Variants in RANBP2 observed in about 807,000 individuals in gnomAD.
RANBP2 encodes RAN binding protein 2.
A neutral mutation model predicts 303.6 loss-of-function variants in RANBP2; 57 were observed. The ratio of observed to expected loss-of-function variants is 0.19; its 90% CI spans 0.15 to 0.23. The LOEUF is 0.23. Among genes scored for constraint, RANBP2 ranks in the 10% least tolerant of loss-of-function variants. The pLI, the probability that RANBP2 is intolerant of heterozygous loss-of-function variation, is 1.00. For synonymous variants in RANBP2, 1,167 were observed against 1,301.5 expected (o/e 0.90, Z 2.23); for missense variants, 3,138 against 3,780.8 (o/e 0.83, Z 4.46).
chr2:109,029,504 G>A, the RANBP2 span, among the ~76,000 whole-genome samples: 1 of 152,252 alleles, frequency 6.6e-6, no homozygotes, highest in Non-Finnish European at 1.5e-5. Flanking sequence ...GCAGCTCAGT[G>A]TGTGTCTGTC....
the RANBP2 span, among the ~76,000 whole-genome samples, chr2:109,415,398 G>C: frequency 7.4e-4 from 112 of 152,298 alleles, no homozygotes; most frequent in Admixed American, 2.2e-3. Flanking sequence ...ATTGTTCCAG[G>C]GGGAGTGCTC....
chr2:109,018,577 C>T, the RANBP2 span, among the ~76,000 whole-genome samples: 40 of 152,344 alleles, frequency 2.6e-4, no homozygotes, highest in South Asian at 6.0e-3. Context: ...CTGCTCTCCA[C>T]TCCCCTTCAC....
the RANBP2 span, among the ~76,000 whole-genome samples, chr2:109,734,660 T>G: frequency 6.6e-6 from 1 of 152,080 alleles, no homozygotes; most frequent in East Asian, 1.9e-4. Context: ...TTACATAAAA[T>G]TGAAAGTGAC....
the RANBP2 span, among the ~76,000 whole-genome samples, chr2:109,590,649 G>A: frequency 3.9e-5 from 6 of 152,182 alleles, no homozygotes; most frequent in Middle Eastern, 3.4e-3. Context: ...GGCTGGTCTC[G>A]AACTCTTGAC....
the RANBP2 span, among the ~76,000 whole-genome samples, chr2:109,376,482 A>T: frequency 6.6e-6 from 1 of 152,288 alleles, no homozygotes; most frequent in Admixed American, 6.5e-5. Context: ...TACGCCAGTG[A>T]TTCTCGTCTG....
chr2:108,898,374 G>C, the RANBP2 span, among the ~76,000 whole-genome samples: 14 of 152,296 alleles, frequency 9.2e-5, no homozygotes, highest in East Asian at 2.7e-3. Context: ...CCCCTTGAGT[G>C]TTAGTGAAGG....
At chr2:109,668,851 T>G in the RANBP2 span, among the ~76,000 whole-genome samples, 1 of 152,150 alleles carries the variant, frequency 6.6e-6, no homozygotes, top group South Asian at 2.1e-4. Flanking sequence ...CCTAGCCCAC[T>G]GCTAGGACTA....
chr2:108,823,195 G>C, the RANBP2 span, among the ~76,000 whole-genome samples: 1 of 152,110 alleles, frequency 6.6e-6, no homozygotes, highest in African/African-American at 2.4e-5. Context: ...CTTCACTTTA[G>C]AATTCTACCA....
the RANBP2 span, among the ~76,000 whole-genome samples, chr2:108,908,339 C>T: frequency 6.6e-6 from 1 of 152,202 alleles, no homozygotes; most frequent in Non-Finnish European, 1.5e-5. Context: ...ACAATGGATG[C>T]TCCGTGAAGG....
chr2:109,418,719 C>T, the RANBP2 span, among the ~76,000 whole-genome samples: 4 of 152,172 alleles, frequency 2.6e-5, no homozygotes, highest in African/African-American at 9.7e-5. Context: ...GGGACTTGGA[C>T]AGATCTTTGA....
At chr2:109,091,556 G>A in the RANBP2 span, among the ~76,000 whole-genome samples, 4 of 152,046 alleles carry the variant, frequency 2.6e-5, no homozygotes, top group African/African-American at 7.3e-5. Flanking sequence ...TGATAAAATC[G>A]GCTCTGTCTA....
At chr2:108,819,885 A>G in the RANBP2 span, among the ~76,000 whole-genome samples, 1 of 152,214 alleles carries the variant, frequency 6.6e-6, no homozygotes, top group Admixed American at 6.5e-5. Flanking sequence ...GTGATATATG[A>G]TTTAAAAACT....
chr2:109,711,301 A>G, the RANBP2 span, among the ~76,000 whole-genome samples: 1 of 151,700 alleles, frequency 6.6e-6, no homozygotes, highest in South Asian at 2.1e-4. Flanking sequence ...ACCATTTCCA[A>G]ACCCCTCACG....
At chr2:109,211,843 A>G in the RANBP2 span, among the ~76,000 whole-genome samples, 6 of 152,184 alleles carry the variant, frequency 3.9e-5, no homozygotes, top group South Asian at 1.2e-3. Context: ...GGGTTTCCCC[A>G]TGTTGGCCAG....
chr2:109,215,266 A>G, the RANBP2 span, among the ~76,000 whole-genome samples: 1 of 152,162 alleles, frequency 6.6e-6, no homozygotes, highest in South Asian at 2.1e-4. Flanking sequence ...GGTAGGGGAG[A>G]AGGCCACTTT....
chr2:108,787,017 C>A, downstream of RANBP2: 1 of 665,244 alleles, frequency 1.5e-6, no homozygotes, highest in South Asian at 6.1e-5. Flanking sequence ...CGGCTCTGGT[C>A]CCGGCCCCGG....
the RANBP2 span, among the ~76,000 whole-genome samples, chr2:109,002,948 C>A: frequency 5.3e-5 from 8 of 152,074 alleles, no homozygotes; most frequent in Non-Finnish European, 1.2e-4. Flanking sequence ...TGGCTCACAC[C>A]TGTAATCCCA....
the RANBP2 span, chr2:109,615,982 GGGGGGAGGAGGGAGT>G: frequency 1.9e-6 from 3 of 1,554,770 alleles, no homozygotes; most frequent in Non-Finnish European, 1.7e-6. Flanking sequence ...CTGGAGGGCA[GGGGGGAGGAGGGAGT>G]GGGGGAGGAA....
At chr2:109,141,862 C>A in the RANBP2 span, among the ~76,000 whole-genome samples, 2 of 152,122 alleles carry the variant, frequency 1.3e-5, no homozygotes, top group Non-Finnish European at 2.9e-5. Flanking sequence ...CATGGGACCC[C>A]CCAGATGTGC....
Sources: gnomAD v4.1 joint callset for allele counts (sites outside exome capture counted in the v4.1 genomes callset) on GRCh38, gnomAD v4.1.1 for gene constraint, MANE v1.5 for transcripts, NCBI Gene and HGNC (gene_info 2026-07-23, HGNC 2026-07-21) for gene names.